RNF130: variants seen among roughly 807,000 people sequenced by gnomAD.
RNF130 encodes E3 ubiquitin-protein ligase RNF130.
In RNF130, 21 loss-of-function variants were observed where a neutral mutation model predicts 44.6. The observed-to-expected ratio is 0.47, with a 90% CI of 0.33 to 0.68. The LOEUF is 0.68. RNF130 is among the 30% of genes least tolerant of loss of function. RNF130 has a pLI of 0.02. For missense variants in RNF130, 479 were observed against 560.6 expected, an observed-to-expected ratio of 0.85 and a Z score of 1.47; for synonymous variants, 214 against 210.4, an observed-to-expected ratio of 1.02 and a Z score of -0.15.
Position 179,922,495 on chromosome 5 carries a change from T to C in RNF130, c.1151-2069A>G, listed in dbSNP as rs113770489. On this transcript the variant is annotated intron_variant, in intron 7 of 7. Coordinates refer to the RNF130 transcript ENST00000522208. ...GCCCAGCTAATTTTTGTATTTTTAA[T>C]AGAGATGGGGTTTCACCATGTTGGC... 5.0e-3 allele frequency among the ~76,000 whole-genome samples: 755 copies of C among 151,958 alleles called. 4 individuals carry two copies. The highest frequency in any genetic ancestry group is 0.017 in the African/African-American group (713 of 41,480).
In RNF130 at chr5:179,955,390, CTG is replaced by C. The variant is rs879247834; in HGVS notation, c.*262_*263del. On this transcript the variant is annotated 3_prime_UTR_variant, in exon 9 of 9. Transcript: ENST00000521389. ...CGGGAGCCAGGAGCACATTCTGTCT[CTG>C]AAACACAAACAAATGCAATCTGGGT... 2.5e-6 allele frequency: 1 copy of C among 395,384 alleles called. No homozygotes were observed. The allele number at this position is 395,384 out of a possible 1,614,324, so 24.5% of individuals were successfully genotyped here. A position where few individuals can be genotyped will look rare whatever the true frequency, so the allele number is the denominator to read the frequency against.
intron 2 of RNF130, among the ~76,000 whole-genome samples, chr5:180,028,712 A>G (rs1386642819): frequency 6.6e-6 from 1 of 152,168 alleles, no homozygotes; most frequent in Non-Finnish European, 1.5e-5. Flanking sequence ...TCCTTCTACA[A>G]ATCCCTACAG....
chr5:179,958,870 G>A (rs1762266573), intron 8 of RNF130, among the ~76,000 whole-genome samples: 1 of 152,052 alleles, frequency 6.6e-6, no homozygotes, highest in African/African-American at 2.4e-5. Context: ...TAGTAGAGAT[G>A]GGGCTTCACC....
exon 8 of RNF130, chr5:179,917,687 G>A (rs1309295141): frequency 1.3e-5 from 2 of 152,088 alleles, no homozygotes; most frequent in Admixed American, 6.6e-5. Flanking sequence ...TAAAGAGGCT[G>A]TTATTTGGGA....
At chr5:179,965,701 A>C (rs1265424197) in intron 7 of RNF130, among the ~76,000 whole-genome samples, 1 of 152,230 alleles carries the variant, frequency 6.6e-6, no homozygotes, top group African/African-American at 2.4e-5. Context: ...AGAGATGGTG[A>C]GAAATGAGCC....
chr5:179,944,467 T>C (rs569682302), intron 7 of RNF130, among the ~76,000 whole-genome samples: 11 of 152,204 alleles, frequency 7.2e-5, no homozygotes, highest in African/African-American at 2.4e-4. Context: ...ATTTATTTTT[T>C]ATTTTTTATT....
intron 1 of RNF130, among the ~76,000 whole-genome samples, chr5:180,058,976 A>G (rs1764906236): frequency 6.6e-6 from 1 of 152,124 alleles, no homozygotes; most frequent in African/African-American, 2.4e-5. Context: ...TTTATACGTT[A>G]TTTTACCACA....
chr5:180,031,829 C>T (rs1278621280), intron 2 of RNF130, among the ~76,000 whole-genome samples: 1 of 152,206 alleles, frequency 6.6e-6, no homozygotes, highest in Non-Finnish European at 1.5e-5. Context: ...AATTGCCAAA[C>T]TATTTTCCAA....
At chr5:180,023,916 C>T (rs913726840) in intron 2 of RNF130, among the ~76,000 whole-genome samples, 2 of 152,226 alleles carry the variant, frequency 1.3e-5, no homozygotes, top group African/African-American at 2.4e-5. Context: ...CTGACAGACA[C>T]TACCTCAGCC....
At chr5:179,947,442 GAC>G (rs1762058838) in intron 7 of RNF130, among the ~76,000 whole-genome samples, 1 of 152,284 alleles carries the variant, frequency 6.6e-6, no homozygotes, top group South Asian at 2.1e-4. Context: ...CACTGGTCAG[GAC>G]ACCCCACAGC....
At chr5:179,949,560 C>G (rs1423539648) in intron 7 of RNF130, among the ~76,000 whole-genome samples, 3 of 151,880 alleles carry the variant, frequency 2.0e-5, no homozygotes, top group Non-Finnish European at 2.9e-5. Context: ...AAAAGTTTGT[C>G]CAAGAAGGGT....
intron 5 of RNF130, among the ~76,000 whole-genome samples, chr5:179,976,282 GA>G (rs1260128944): frequency 1.3e-5 from 2 of 152,244 alleles, no homozygotes; most frequent in African/African-American, 4.8e-5. Context: ...AGCCTCCCCT[GA>G]GGGAAGATCC....
intron 7 of RNF130, among the ~76,000 whole-genome samples, chr5:179,923,993 C>A (rs976660085): frequency 1.3e-5 from 2 of 152,174 alleles, no homozygotes; most frequent in African/African-American, 4.8e-5. Context: ...AGCTCATGAG[C>A]TGCAGGGCAA....
At chr5:180,048,117 C>T (rs1013108729) in intron 1 of RNF130, among the ~76,000 whole-genome samples, 11 of 152,052 alleles carry the variant, frequency 7.2e-5, no homozygotes, top group African/African-American at 2.7e-4. Flanking sequence ...ATAGACACAG[C>T]TAAATCAGGT....
At chr5:180,054,366 C>T (rs1324551933) in intron 1 of RNF130, among the ~76,000 whole-genome samples, 2 of 152,288 alleles carry the variant, frequency 1.3e-5, no homozygotes, top group African/African-American at 2.4e-5. Context: ...CCTTCCACCC[C>T]GTGGCATGTC....
intron 8 of RNF130, among the ~76,000 whole-genome samples, chr5:179,958,202 T>C (rs1425517915): frequency 6.6e-6 from 1 of 152,160 alleles, no homozygotes; most frequent in Non-Finnish European, 1.5e-5. Flanking sequence ...TAGACAAGTG[T>C]TTCTCAAAAC....
At chr5:180,038,548 G>A (rs1167023601) in intron 2 of RNF130, among the ~76,000 whole-genome samples, 1 of 151,884 alleles carries the variant, frequency 6.6e-6, no homozygotes, top group Non-Finnish European at 1.5e-5. Context: ...TAAGTCCTAG[G>A]AGCCCCTAAA....
At chr5:180,024,837 C>G (rs1468900553) in intron 2 of RNF130, among the ~76,000 whole-genome samples, 2 of 152,188 alleles carry the variant, frequency 1.3e-5, no homozygotes, top group African/African-American at 4.8e-5. Context: ...CATTCTTCCT[C>G]TAAACGCTCC....
intron 7 of RNF130, among the ~76,000 whole-genome samples, chr5:179,935,166 ATC>A (rs1381230460): frequency 1.3e-5 from 2 of 152,136 alleles, no homozygotes; most frequent in African/African-American, 4.8e-5. Context: ...CATTCTAATT[ATC>A]TTTTTGTTAT....
Sources: gnomAD v4.1 joint callset for allele counts (sites outside exome capture counted in the v4.1 genomes callset) on GRCh38, gnomAD v4.1.1 for gene constraint, MANE v1.5 for transcripts, NCBI Gene and HGNC (gene_info 2026-07-23, HGNC 2026-07-21) for gene names.